Variants in ARMC5 observed in about 807,000 individuals in gnomAD.
ARMC5 encodes the protein armadillo repeat containing 5, also known as armadillo repeat-containing protein 5.
Under a neutral mutation model 60.5 loss-of-function variants are expected in ARMC5, and 28 were observed. That is an observed-to-expected ratio of 0.46 (90% confidence interval 0.34 to 0.63). The LOEUF (loss-of-function observed/expected upper bound fraction) is 0.63, where lower values mean the gene tolerates loss of function less well. ARMC5 is among the 30% of genes least tolerant of loss of function. The probability of loss-of-function intolerance (pLI) is 0.01; values close to 1 mark genes in which losing one functional copy is unlikely to be tolerated. For missense variants in ARMC5, 1,189 were observed against 1,304.9 expected (o/e 0.91, Z 1.37); for synonymous variants, 680 against 607.3 (o/e 1.12, Z -1.76).
chr16:31,458,830 A>G, upstream of ARMC5: 1 of 1,533,142 alleles, frequency 6.5e-7, no homozygotes, highest in East Asian at 2.4e-5. Context: ...CTGCGCTGCG[A>G]GTGAAGAACT....
chr16:31,462,692 G>A lies in ARMC5; in HGVS notation c.1145G>A (p.Arg382His), dbSNP rs371525408. Residue 382 changes from arginine (R) to histidine (H), a missense_variant, in exon 3 of 6, where the codon CGT becomes CAT. Around this residue, in one of 2 missense-constraint regions of ARMC5, gnomAD observed 862 missense variants for 1,071.2 expected, o/e 0.80. Coordinates refer to ENST00000268314, the MANE Select transcript of ARMC5 (RefSeq NM_001105247.2). The surrounding 1 kb of genome is among the most constrained non-coding windows in gnomAD (Gnocchi z 7.2). The stretch of plus-strand genomic sequence containing the variant: ...CTGATGGGCCTGCTGCGGGACCCTC[G>A]TGCAAGCGCATGGCACCCTCGTATT... ...DLLMGLLRDP[R>H]ASAWHPRIVA... is the part of the protein sequence containing the mutation. The A allele has an allele frequency of 3.7e-5, 59 of 1,613,722 alleles. No homozygotes were observed. In the East Asian group the frequency reaches 6.0e-4, roughly 16 times the overall value.
upstream of ARMC5, chr16:31,458,830 A>C (rs1218490533): frequency 1.3e-6 from 2 of 1,533,142 alleles, no homozygotes; most frequent in South Asian, 2.4e-5. Context: ...CTGCGCTGCG[A>C]GTGAAGAACT....
rs574169297 is a variant in ARMC5 at position 31,462,548 on chromosome 16, G to A, written c.1001G>A (p.Arg334His). ...VEVLVDELRQ[R>H]RDPNGASPTS... Reference sequence around the variant, plus strand: ...GTGCTGGTAGATGAGCTCCGGCAGCGCCGGGATCCTAATGGAGCTAGCCCA... The same window carrying A: ...GTGCTGGTAGATGAGCTCCGGCAGCACCGGGATCCTAATGGAGCTAGCCCA... Residue 334 changes from arginine (R) to histidine (H), a missense_variant, in exon 3 of 6, where the codon CGC becomes CAC. Physicochemically the swap from Arg to His is conservative, Grantham distance 29. Around this residue, in one of 2 missense-constraint regions of ARMC5, gnomAD observed 862 missense variants for 1,071.2 expected, o/e 0.80. Transcript: ENST00000268314. The surrounding 1 kb of genome is among the most constrained non-coding windows in gnomAD (Gnocchi z 7.2). 10 of 1,610,834 alleles carry A rather than the reference G, an allele frequency of 6.2e-6. No individual in the cohort carries two copies. The African/African-American group carries it at 8.0e-5, about 13-fold the overall frequency.
At chr16:31,463,068 G>C (rs2082319475) in intron 3 of ARMC5, 151 bp downstream of exon 3, 1 of 828,010 alleles carries the variant, frequency 1.2e-6, no homozygotes, top group Non-Finnish European at 1.8e-6. Flanking sequence ...CCACCTGCCA[G>C]TTCCTATTTA....
upstream of ARMC5, chr16:31,458,771 G>A: frequency 4.0e-6 from 6 of 1,485,376 alleles, no homozygotes; most frequent in South Asian, 2.5e-5. Context: ...CCGCTCCCCC[G>A]CCGCCCCGCC....
rs1330724137 is a variant in ARMC5, at chr16:31,462,139, C to T, written c.592C>T (p.Pro198Ser). 1.2e-6 allele frequency: 2 copies of T among 1,611,794 alleles called. No individual in the cohort carries two copies. The highest frequency in any genetic ancestry group is 1.7e-6 in the Non-Finnish European group (2 of 1,178,822). ...CGDIHCAGAVPLLVESLTACQ... is the reference protein window; with the variant it reads ...CGDIHCAGAVSLLVESLTACQ... The stretch of plus-strand genomic sequence containing the variant: ...CCCTTTCCTGCCCTCAGGTGCTGTT[C>T]CCCTGCTTGTGGAGAGCCTGACAGC... Residue 198 changes from proline to serine, a missense_variant, in exon 3 of 6, where the codon CCC becomes TCC. Physicochemically the swap from Pro to Ser is moderately conservative, Grantham distance 74. Transcript: ENST00000268314. The surrounding 1 kb of genome is among the most constrained non-coding windows in gnomAD (Gnocchi z 7.2).
At chr16:31,463,064 G>C in intron 3 of ARMC5, 147 bp downstream of exon 3, 1 of 851,262 alleles carries the variant, frequency 1.2e-6, no homozygotes, top group Non-Finnish European at 1.7e-6. Flanking sequence ...ACGACCACCT[G>C]CCAGTTCCTA....
Position 31,467,062 on chromosome 16 carries a change from C to A in ARMC5, c.*173C>A. ...AAGACCCGGGAGCGAGAAGCCAAGG[C>A]CAGGTTCTGGGTGTAGGGCCCAGAG... On this transcript the variant is annotated 3_prime_UTR_variant, in exon 6 of 6. Transcript: ENST00000268314. The A allele has an allele frequency of 1.1e-6, 1 of 893,150 alleles. No individual in the cohort carries two copies. The highest frequency in any genetic ancestry group is 1.6e-6 in the Non-Finnish European group (1 of 637,818). The allele number at this position is 893,150 out of a possible 1,614,324, so 55.3% of individuals were successfully genotyped here. A position where few individuals can be genotyped will look rare whatever the true frequency, so the allele number is the denominator to read the frequency against.
intron 4 of ARMC5, 189 bp downstream of exon 4, chr16:31,465,076 T>C: frequency 1.2e-6 from 2 of 1,613,998 alleles, no homozygotes; most frequent in Non-Finnish European, 1.7e-6. Flanking sequence ...CAGGCAGAGT[T>C]CTGCTGTGTC....
chr16:31,466,497 C>T lies in ARMC5; in HGVS notation c.2416C>T (p.His806Tyr), dbSNP rs1427997025. The T allele has an allele frequency of 6.2e-6, 10 of 1,610,792 alleles. No individual in the cohort carries two copies. The highest frequency in any genetic ancestry group is 8.5e-6 in the Non-Finnish European group (10 of 1,179,768). The change falls in exon 6 of 6, where the codon CAT becomes TAT. Residue 806 changes from histidine to tyrosine, a missense_variant. Around this residue, in one of 2 missense-constraint regions of ARMC5, gnomAD observed 862 missense variants for 1,071.2 expected, o/e 0.80. Transcript: ENST00000268314. This position sits in a 1 kb window ranked among gnomAD's most constrained non-coding sequence, Gnocchi z 8.0. ...TGGTGCAGCCTGGCCTGTCCTGCAT[C>T]ATTTGCATGGTTGTCGGGGGTGTGG... ...SPGAAWPVLH[H>Y]LHGCRGCGAA...
At position 31,466,130 on chromosome 16, in the gene ARMC5, C is replaced by T. The variant is rs202158538; in HGVS notation, c.2049C>T (p.Leu683=). ...TTCTGGAGCAGGGTGGTCTCCGGCTCCTCCTTGCGGCGCTGACCCGGCCGG... is the reference window on the plus strand; with the variant it reads ...TTCTGGAGCAGGGTGGTCTCCGGCTTCTCCTTGCGGCGCTGACCCGGCCGG... ...RLLLEQGGLR[L]LLAALTRPAP... is the part of the protein sequence containing the mutation. The change falls in exon 6 of 6, where the codon CTC becomes CTT. Residue 683 remains leucine (L), a synonymous_variant. Coordinates refer to ENST00000268314, the MANE Select transcript of ARMC5 (RefSeq NM_001105247.2). The surrounding 1 kb of genome is among the most constrained non-coding windows in gnomAD (Gnocchi z 8.0). 9.3e-6 allele frequency: 15 copies of T among 1,604,772 alleles called. No homozygotes were observed. The highest frequency in any genetic ancestry group is 6.7e-5 in the Admixed American group (4 of 60,008).
rs1171718702 is a variant in ARMC5 at position 31,466,389 on chromosome 16, G to A, written c.2308G>A (p.Ala770Thr). The A allele has an allele frequency of 1.1e-5, 17 of 1,612,478 alleles. No homozygotes were observed. Among genetic ancestry groups the A allele is most frequent in the Admixed American group, 3.3e-5 (2 of 60,004 alleles). Residue 770 changes from alanine (A) to threonine (T), a missense_variant, in exon 6 of 6, where the codon GCC becomes ACC. Physicochemically the swap from Ala to Thr is moderately conservative, Grantham distance 58. This residue lies in a region of ARMC5 where 862 missense variants were observed against 1,071.2 expected (regional missense o/e 0.80). Coordinates refer to ENST00000268314, the MANE Select transcript of ARMC5 (RefSeq NM_001105247.2). This position sits in a 1 kb window ranked among gnomAD's most constrained non-coding sequence, Gnocchi z 8.0. ...LPAQRAASAT[A>T]SPFFRALLSG... is the part of the protein sequence containing the mutation. The stretch of plus-strand genomic sequence containing the variant: ...TGCCCAGCGAGCGGCCTCAGCCACC[G>A]CCTCCCCTTTCTTCCGGGCCCTGCT...
In ARMC5 at chr16:31,466,603, G is replaced by A. The variant is rs1279675410; in HGVS notation, c.2522G>A (p.Arg841His). 7.5e-6 allele frequency: 12 copies of A among 1,605,852 alleles called. No individual in the cohort carries two copies. Among genetic ancestry groups the A allele is most frequent in the South Asian group, 2.2e-5 (2 of 90,112 alleles). The change falls in exon 6 of 6, where the codon CGT becomes CAT. Residue 841 changes from arginine (R) to histidine (H), a missense_variant. Arg to His is a conservative substitution (Grantham distance 29, BLOSUM62 0). This residue lies in a region of ARMC5 where 862 missense variants were observed against 1,071.2 expected (regional missense o/e 0.80). Transcript: ENST00000268314. The surrounding 1 kb of genome is among the most constrained non-coding windows in gnomAD (Gnocchi z 8.0). The stretch of plus-strand genomic sequence containing the variant: ...GAGGAGGCACTGGAGGCTGCTGGCC[G>A]TTTCCTACTGCCTGGGCTGGAGGAG... The part of the protein sequence containing the change: ...EAEEALEAAG[R>H]FLLPGLEEEL...
rs370500494 is a variant in ARMC5 at position 31,466,375 on chromosome 16, C to T, written c.2294C>T (p.Ala765Val). ...GGCCTCCAGCTCCCTGCCCAGCGAG[C>T]GGCCTCAGCCACCGCCTCCCCTTTC... ...DSGLQLPAQR[A>V]ASATASPFFR... The change falls in exon 6 of 6, where the codon GCG becomes GTG. Residue 765 changes from alanine (A) to valine (V), a missense_variant. Physicochemically the swap from Ala to Val is moderately conservative, Grantham distance 64. This residue lies in a region of ARMC5 where 862 missense variants were observed against 1,071.2 expected (regional missense o/e 0.80). Transcript: ENST00000268314. This position sits in a 1 kb window ranked among gnomAD's most constrained non-coding sequence, Gnocchi z 8.0. 25 of 1,612,654 alleles carry T rather than the reference C, an allele frequency of 1.6e-5. No individual in the cohort carries two copies. Among genetic ancestry groups the T allele is most frequent in the African/African-American group, 2.7e-5 (2 of 74,956 alleles).
chr16:31,465,140 C>G (rs1456917238), intron 4 of ARMC5: 1 of 1,613,560 alleles, frequency 6.2e-7, no homozygotes, highest in South Asian at 1.1e-5. Context: ...AGCCCCGCGC[C>G]CAGGATCTGG....
At chr16:31,461,039 A>T (rs2082299650) in intron 1 of ARMC5, among the ~76,000 whole-genome samples, 1 of 152,234 alleles carries the variant, frequency 6.6e-6, no homozygotes, top group Admixed American at 6.5e-5. Flanking sequence ...TTTGGTTATT[A>T]AATAACCCCC....
upstream of ARMC5, chr16:31,458,752 G>A: frequency 6.8e-7 from 1 of 1,479,788 alleles, no homozygotes; most frequent in Non-Finnish European, 8.9e-7. Context: ...TCCCCGGGAC[G>A]CGAATGTCCC....
chr16:31,465,057 A>T (rs772402693), intron 4 of ARMC5, 170 bp downstream of exon 4: 1 of 1,613,800 alleles, frequency 6.2e-7, no homozygotes, highest in Non-Finnish European at 8.5e-7. Flanking sequence ...CAGTCCCTCC[A>T]TGGGCCCACA....
At position 31,466,391 on chromosome 16, in the gene ARMC5, C is replaced by T. The variant is rs778341199; in HGVS notation, c.2310C>T (p.Ala770=). 6.2e-6 allele frequency: 10 copies of T among 1,612,540 alleles called. No homozygotes were observed. The highest frequency in any genetic ancestry group is 4.0e-5 in the African/African-American group (3 of 74,948). Residue 770 remains alanine (A), a synonymous_variant, in exon 6 of 6, where the codon GCC becomes GCT. Coordinates refer to ENST00000268314, the MANE Select transcript of ARMC5 (RefSeq NM_001105247.2). This position sits in a 1 kb window ranked among gnomAD's most constrained non-coding sequence, Gnocchi z 8.0. ...CCCAGCGAGCGGCCTCAGCCACCGC[C>T]TCCCCTTTCTTCCGGGCCCTGCTGT... The part of the protein sequence containing the change: ...LPAQRAASAT[A]SPFFRALLSG...
Sources: allele counts gnomAD v4.1 joint callset (sites outside exome capture counted in the v4.1 genomes callset), GRCh38; gene constraint gnomAD v4.1.1; regional missense constraint gnomAD v4.1.1; non-coding constraint Gnocchi (gnomAD v3.1); transcripts MANE v1.5; gene names NCBI Gene and HGNC (gene_info 2026-07-23, HGNC 2026-07-21).